SLC5A11: variants seen among roughly 807,000 people sequenced by gnomAD.
SLC5A11 encodes sodium/myo-inositol cotransporter 2.
A neutral mutation model predicts 69.8 loss-of-function variants in SLC5A11; 48 were observed. The observed-to-expected ratio is 0.69, with a 90% CI of 0.55 to 0.87. SLC5A11 has a LOEUF of 0.87. SLC5A11 is among the 40% of genes least tolerant of loss of function. The pLI is 0.00. For synonymous variants in SLC5A11, 319 were observed against 342.4 expected, an observed-to-expected ratio of 0.93 and a Z score of 0.75; for missense variants, 784 against 866.1, an observed-to-expected ratio of 0.91 and a Z score of 1.19.
chr16:24,885,930 A>G lies in SLC5A11; in HGVS notation c.664+1799A>G, dbSNP rs552708319. Among the ~76,000 whole-genome samples the G allele has an allele frequency of 1.2e-3, 182 of 152,268 alleles. 1 individual carries two copies. The highest frequency in any genetic ancestry group is 3.4e-3 in the Middle Eastern group (1 of 294). Reference sequence around the variant, plus strand: ...TACAGAAGATTACAATACATTTTCTAAAATTTTCTAAAAAAATTAGCAGAA... The same window carrying G: ...TACAGAAGATTACAATACATTTTCTGAAATTTTCTAAAAAAATTAGCAGAA... On this transcript the variant is annotated intron_variant, in intron 8 of 15. Transcript: ENST00000347898.
chr16:24,897,423 G>T (rs2049261608), intron 9 of SLC5A11, among the ~76,000 whole-genome samples: 1 of 152,070 alleles, frequency 6.6e-6, no homozygotes, highest in Non-Finnish European at 1.5e-5. Flanking sequence ...GGAATGGGGT[G>T]GGTGTCTAAA....
intron 6 of SLC5A11, 72 bp downstream of exon 7, chr16:24,875,803 G>A: frequency 6.5e-6 from 8 of 1,231,876 alleles, no homozygotes; most frequent in Non-Finnish European, 9.4e-6. Flanking sequence ...CATTGCTCAG[G>A]AGTGTCTCCT....
intron 5 of SLC5A11, 75 bp downstream of exon 6, chr16:24,872,294 A>T (rs1208964852): frequency 6.6e-7 from 1 of 1,504,220 alleles, no homozygotes; most frequent in Non-Finnish European, 9.2e-7. Context: ...TCCCTCCCTC[A>T]TCCCGCCATC....
intron 8 of SLC5A11, among the ~76,000 whole-genome samples, chr16:24,889,461 G>C (rs543719579): frequency 6.6e-6 from 1 of 151,284 alleles, no homozygotes; most frequent in African/African-American, 2.4e-5. Context: ...CAGCCTGGGT[G>C]ACAGAGTGAG....
At chr16:24,862,916 A>T (rs1176538934) in intron 3 of SLC5A11, among the ~76,000 whole-genome samples, 1 of 142,962 alleles carries the variant, frequency 7.0e-6, no homozygotes, top group South Asian at 2.1e-4. Context: ...ATATAAATAT[A>T]TTTATATAAA....
chr16:24,908,466 G>T (rs1255561750), intron 13 of SLC5A11, among the ~76,000 whole-genome samples: 1 of 151,872 alleles, frequency 6.6e-6, no homozygotes, highest in Non-Finnish European at 1.5e-5. Context: ...GGGTGTGGTG[G>T]TGGGCGCCTG....
intron 5 of SLC5A11, 93 bp downstream of exon 6, chr16:24,872,312 C>T (rs2047358708): frequency 7.0e-7 from 1 of 1,428,542 alleles, no homozygotes; most frequent in Non-Finnish European, 9.9e-7. Flanking sequence ...ATCCCTCCCT[C>T]CTGCCCATGG....
intron 9 of SLC5A11, among the ~76,000 whole-genome samples, chr16:24,894,652 T>C (rs568422402): frequency 6.6e-6 from 1 of 151,264 alleles, no homozygotes; most frequent in Admixed American, 6.6e-5. Flanking sequence ...ATACAAAAAA[T>C]TAATTGGGCA....
At chr16:24,898,103 T>C (rs1403570855) in exon 10 of SLC5A11, 3 of 1,613,966 alleles carry the variant, frequency 1.9e-6, no homozygotes, top group East Asian at 2.2e-5. Context: ...CCGCATCCTC[T>C]TCCCAGGTGA....
chr16:24,862,955 A>G (rs2046675781), intron 3 of SLC5A11, among the ~76,000 whole-genome samples: 1 of 140,780 alleles, frequency 7.1e-6, no homozygotes, highest in African/African-American at 2.6e-5. Context: ...TATAACATAT[A>G]ATTATATATT....
chr16:24,861,810 A>AAAAG (rs56112358), intron 2 of SLC5A11, among the ~76,000 whole-genome samples: 50,318 of 148,486 alleles, frequency 0.34, 8,832 homozygotes, highest in African/African-American at 0.45. Flanking sequence ...AAGAAAAGAA[A>AAAAG]AAAGAAAGAA....
chr16:24,904,013 G>T (rs1359726958), intron 10 of SLC5A11, among the ~76,000 whole-genome samples: 1 of 152,250 alleles, frequency 6.6e-6, no homozygotes, highest in Non-Finnish European at 1.5e-5. Context: ...CGAAGGGGAA[G>T]CAAGGACCTT....
At chr16:24,861,030 T>C (rs1366595839) in intron 2 of SLC5A11, among the ~76,000 whole-genome samples, 1 of 152,136 alleles carries the variant, frequency 6.6e-6, no homozygotes, top group Non-Finnish European at 1.5e-5. Flanking sequence ...TGCATTTATC[T>C]TACAATGAAT....
intron 5 of SLC5A11, among the ~76,000 whole-genome samples, chr16:24,874,536 T>G (rs896297435): frequency 2.6e-5 from 4 of 152,202 alleles, no homozygotes; most frequent in Admixed American, 1.3e-4. Flanking sequence ...GCGAATTTGG[T>G]GCATGTGTAG....
intron 3 of SLC5A11, among the ~76,000 whole-genome samples, chr16:24,867,887 A>T (rs960357061): frequency 6.6e-6 from 1 of 152,154 alleles, no homozygotes; most frequent in Non-Finnish European, 1.5e-5. Context: ...CTGTAATCCT[A>T]GCACTTTGGG....
chr16:24,865,564 GAA>G (rs558384773), intron 3 of SLC5A11, among the ~76,000 whole-genome samples: 5 of 152,140 alleles, frequency 3.3e-5, no homozygotes, highest in Admixed American at 2.6e-4. Flanking sequence ...CTCAAAAAAA[GAA>G]AAGTCTTCAA....
intron 7 of SLC5A11, among the ~76,000 whole-genome samples, chr16:24,881,634 G>A (rs540053869): frequency 7.2e-5 from 11 of 152,140 alleles, no homozygotes; most frequent in East Asian, 3.9e-4. Flanking sequence ...GCATTTTTTC[G>A]TATCTCAACC....
At chr16:24,861,179 A>T (rs923094885) in intron 2 of SLC5A11, among the ~76,000 whole-genome samples, 5 of 151,708 alleles carry the variant, frequency 3.3e-5, no homozygotes, top group Non-Finnish European at 5.9e-5. Flanking sequence ...TGTATTAAGG[A>T]TATTAACAAC....
chr16:24,858,599 C>T (rs373965956), intron 1 of SLC5A11, 21 bp from the exon 3 acceptor site: 1,728 of 1,573,066 alleles, frequency 1.1e-3, no homozygotes, highest in Middle Eastern at 1.6e-3. Context: ...TGGCATTTGA[C>T]TGGCATTTGC....
Sources: gnomAD v4.1 joint callset for allele counts (sites outside exome capture counted in the v4.1 genomes callset) on GRCh38, gnomAD v4.1.1 for gene constraint, MANE v1.5 for transcripts, NCBI Gene and HGNC (gene_info 2026-07-23, HGNC 2026-07-21) for gene names.